Variants in EPHA5 observed in about 807,000 individuals in gnomAD.
The protein encoded by EPHA5 is EPH receptor A5, also known as ephrin type-A receptor 5.
A neutral mutation model predicts 105.0 loss-of-function variants in EPHA5; 60 were observed. That is an observed-to-expected ratio of 0.57 (90% CI 0.46 to 0.71). The LOEUF is 0.71. EPHA5 is among the 30% of genes least tolerant of loss of function. The pLI, the probability that EPHA5 is intolerant of heterozygous loss-of-function variation, is 0.00. For missense variants in EPHA5, 1,218 were observed against 1,274.7 expected, an observed-to-expected ratio of 0.96 and a Z score of 0.68; for synonymous variants, 513 against 449.1, an observed-to-expected ratio of 1.14 and a Z score of -1.80.
At chr4:65,574,033 A>C in intron 3 of EPHA5, 1 of 1,599,422 alleles carries the variant, frequency 6.3e-7, no homozygotes, top group Non-Finnish European at 8.6e-7. Context: ...AGAACACACC[A>C]GAAATTTGTC....
At chr4:65,479,499 T>C (rs1046013909) in intron 5 of EPHA5, among the ~76,000 whole-genome samples, 2 of 152,182 alleles carry the variant, frequency 1.3e-5, no homozygotes, top group African/African-American at 4.8e-5. Flanking sequence ...AGGTACCTTG[T>C]ATAGGGAAAT....
At chr4:65,502,357 C>T (rs1022260972) in intron 3 of EPHA5, among the ~76,000 whole-genome samples, 14 of 150,978 alleles carry the variant, frequency 9.3e-5, no homozygotes, top group Non-Finnish European at 1.3e-4. Flanking sequence ...ATGCATCTGA[C>T]AAAGATCTAA....
At chr4:65,618,869 A>T (rs776342265) in intron 2 of EPHA5, among the ~76,000 whole-genome samples, 1 of 152,182 alleles carries the variant, frequency 6.6e-6, no homozygotes, top group Non-Finnish European at 1.5e-5. Flanking sequence ...AGAATAAACT[A>T]ATTGGTTGGG....
At chr4:65,541,970 A>G (rs1474075881) in intron 3 of EPHA5, among the ~76,000 whole-genome samples, 2 of 152,080 alleles carry the variant, frequency 1.3e-5, no homozygotes, top group South Asian at 2.1e-4. Context: ...TGGAAATTGA[A>G]CAACCTGTTC....
At position 65,472,002 on chromosome 4, in the gene EPHA5, A is replaced by G. The variant is rs1270165413; in HGVS notation, c.1402+18375T>C. On this transcript the variant is annotated intron_variant, in intron 5 of 16. Transcript: ENST00000613740. ...GATAACCCAAAAGTGCATAGTCCAA[A>G]GTCTCATCTGAGACAAGACAAGTCC... Among the ~76,000 whole-genome samples the G allele has an allele frequency of 3.9e-5, 6 of 152,194 alleles. No individual in the cohort carries two copies. The East Asian group carries it at 1.2e-3, about 29-fold the overall frequency.
At chr4:65,482,196 G>A (rs1730434575) in intron 5 of EPHA5, among the ~76,000 whole-genome samples, 1 of 151,450 alleles carries the variant, frequency 6.6e-6, no homozygotes, top group East Asian at 2.0e-4. Flanking sequence ...TACTCAGGAG[G>A]CTGAGGCAGG....
At chr4:65,457,557 T>C (rs1727716669) in intron 5 of EPHA5, among the ~76,000 whole-genome samples, 1 of 152,088 alleles carries the variant, frequency 6.6e-6, no homozygotes, top group Admixed American at 6.6e-5. Context: ...CTTAAAGGTA[T>C]ACATCTCAGA....
At chr4:65,509,090 AG>A (rs1733348317) in intron 3 of EPHA5, among the ~76,000 whole-genome samples, 1 of 152,114 alleles carries the variant, frequency 6.6e-6, no homozygotes, top group Non-Finnish European at 1.5e-5. Context: ...TGGTAAAAGC[AG>A]TCATTGATTT....
chr4:65,430,223 A>G (rs905022929), intron 5 of EPHA5, among the ~76,000 whole-genome samples: 4 of 152,066 alleles, frequency 2.6e-5, no homozygotes, highest in African/African-American at 9.7e-5. Context: ...AAAATATATA[A>G]TTATATATCT....
At chr4:65,479,004 C>T (rs1243398591) in intron 5 of EPHA5, among the ~76,000 whole-genome samples, 1 of 152,134 alleles carries the variant, frequency 6.6e-6, no homozygotes, top group Non-Finnish European at 1.5e-5. Context: ...TATTTATCCT[C>T]TTTCCATTTT....
chr4:65,399,492 G>A (rs6551920), intron 8 of EPHA5, among the ~76,000 whole-genome samples: 119,212 of 152,180 alleles, frequency 0.78, 47,402 homozygotes, highest in South Asian at 0.92. Context: ...GGCCACAGAG[G>A]CTTCTGCCTG....
chr4:65,329,375 G>A (rs1720381531), intron 16 of EPHA5, among the ~76,000 whole-genome samples: 1 of 151,406 alleles, frequency 6.6e-6, no homozygotes, highest in East Asian at 1.9e-4. Flanking sequence ...GCACGTACTG[G>A]CAACAATCCA....
intron 8 of EPHA5, among the ~76,000 whole-genome samples, chr4:65,392,806 C>T (rs73218341): frequency 0.066 from 9,978 of 152,014 alleles, 689 homozygotes; most frequent in African/African-American, 0.17. Flanking sequence ...ATGGACAAAC[C>T]ACTTCAAATG....
chr4:65,612,272 G>A (rs1347333692), intron 2 of EPHA5, among the ~76,000 whole-genome samples: 2 of 152,200 alleles, frequency 1.3e-5, no homozygotes, highest in South Asian at 2.1e-4. Flanking sequence ...ATTTCTTAAT[G>A]TTAATGGTAA....
At chr4:65,348,259 CA>C in intron 13 of EPHA5, 56 bp from the exon 14 acceptor site, 2 of 1,496,068 alleles carry the variant, frequency 1.3e-6, no homozygotes, top group Admixed American at 3.8e-5. Flanking sequence ...TGCCTAGGGA[CA>C]GTGTTGCCTC....
intron 6 of EPHA5, among the ~76,000 whole-genome samples, chr4:65,414,824 C>T (rs75799215): frequency 0.02 from 3,104 of 152,202 alleles, 65 homozygotes; most frequent in Non-Finnish European, 0.03. Flanking sequence ...AACATACTGC[C>T]TATTCATACA....
intron 2 of EPHA5, among the ~76,000 whole-genome samples, chr4:65,609,422 T>G (rs6846704): frequency 0.87 from 132,281 of 152,124 alleles, 57,874 homozygotes; most frequent in Non-Finnish European, 0.91. Context: ...TAAAACTGAA[T>G]TTGATTACTT....
At chr4:65,636,439 G>A (rs191043205) in intron 2 of EPHA5, among the ~76,000 whole-genome samples, 3 of 152,020 alleles carry the variant, frequency 2.0e-5, no homozygotes, top group Admixed American at 2.0e-4. Context: ...TCAGGACGTT[G>A]GATGACCTGG....
intron 8 of EPHA5, among the ~76,000 whole-genome samples, chr4:65,400,164 T>A (rs946270518): frequency 6.6e-6 from 1 of 152,126 alleles, no homozygotes; most frequent in Non-Finnish European, 1.5e-5. Context: ...CATTTACAAA[T>A]CTGTAAAACA....
Sources: gnomAD v4.1 joint callset for allele counts (sites outside exome capture counted in the v4.1 genomes callset) on GRCh38, gnomAD v4.1.1 for gene constraint, MANE v1.5 for transcripts, NCBI Gene and HGNC (gene_info 2026-07-23, HGNC 2026-07-21) for gene names.